Variants in ZNF808 observed in about 807,000 individuals in gnomAD.
ZNF808 encodes zinc finger protein 808.
In ZNF808, 5 loss-of-function variants were observed where a neutral mutation model predicts 8.7. That is an observed-to-expected ratio of 0.58 (90% CI 0.30 to 1.21). The LOEUF (loss-of-function observed/expected upper bound fraction) is 1.21, where lower values mean the gene tolerates loss of function less well. ZNF808 is among the 50% of genes most tolerant of loss of function. The pLI, the probability that ZNF808 is intolerant of heterozygous loss-of-function variation, is 0.07. For missense variants in ZNF808, 1,103 were observed against 1,098.4 expected (o/e 1.00, Z -0.06); for synonymous variants, 380 against 366.0 (o/e 1.04, Z -0.44).
At chr19:52,533,185 T>C (rs2059575920) in intron 2 of ZNF808, among the ~76,000 whole-genome samples, 176 bp downstream of exon 2, 1 of 152,198 alleles carries the variant, frequency 6.6e-6, no homozygotes, top group African/African-American at 2.4e-5. Context: ...CTTTCTTTTC[T>C]TTTGTTTAAT....
intron 4 of ZNF808, among the ~76,000 whole-genome samples, chr19:52,550,872 G>A (rs2059769920): frequency 6.6e-6 from 1 of 152,114 alleles, no homozygotes; most frequent in Non-Finnish European, 1.5e-5. Flanking sequence ...CTTCAGTGAT[G>A]TTGATGATGA....
At chr19:52,534,082 G>A (rs1349183383) in intron 2 of ZNF808, among the ~76,000 whole-genome samples, 5 of 152,064 alleles carry the variant, frequency 3.3e-5, no homozygotes, top group Admixed American at 3.3e-4. Context: ...CAACACTTTG[G>A]GAGGCCGAGG....
In ZNF808 at chr19:52,554,193, C is replaced by G. The variant is rs1032463104; in HGVS notation, c.1277C>G (p.Pro426Arg). 6.2e-7 allele frequency: 1 copy of G among 1,613,612 alleles called. No homozygotes were observed. Among genetic ancestry groups the G allele is most frequent in the African/African-American group, 1.3e-5 (1 of 74,884 alleles). The change falls in exon 5 of 5, where the codon CCT becomes CGT. Residue 426 changes from proline to arginine, a missense_variant. Pro to Arg is a moderately radical substitution (Grantham distance 103, BLOSUM62 -2). Coordinates refer to ENST00000359798, the MANE Select transcript of ZNF808 (RefSeq NM_001039886.4). The part of the protein sequence containing the change: ...RHHILHTGEK[P>R]YKCEECDKVF... ...CATATACTTCATACTGGAGAGAAAC[C>G]TTACAAATGTGAAGAATGTGACAAA... is the stretch of plus-strand genomic sequence containing the variant.
At chr19:52,560,430 A>G (rs35068231), downstream of ZNF808, among the ~76,000 whole-genome samples, 5 of 152,016 alleles carry the variant, frequency 3.3e-5, no homozygotes, top group Admixed American at 3.3e-4. Context: ...ACATCTCTTC[A>G]TACTCAGCCA....
At chr19:52,568,737 CTA>C (rs1254377558), downstream of ZNF808, among the ~76,000 whole-genome samples, 1 of 152,166 alleles carries the variant, frequency 6.6e-6, no homozygotes, top group East Asian at 1.9e-4. Flanking sequence ...CAAATAAACT[CTA>C]TAATTAATAA....
chr19:52,554,486 G>C lies in ZNF808; in HGVS notation c.1570G>C (p.Ala524Pro). Residue 524 changes from alanine to proline, a missense_variant, in exon 5 of 5, where the codon GCA (alanine) becomes CCA (proline). Physicochemically the swap from Ala to Pro is conservative, Grantham distance 27. Transcript: ENST00000359798. ...NQCGNTFRHR[A>P]SLVYHRRLHT... ...GTGTGGCAATACCTTCCGTCACCGG[G>C]CATCCCTTGTATACCATCGTAGACT... The C allele has an allele frequency of 6.2e-7, 1 of 1,613,966 alleles. No homozygotes were observed.
intron 4 of ZNF808, among the ~76,000 whole-genome samples, chr19:52,550,629 G>A (rs1317035501): frequency 6.6e-6 from 1 of 151,916 alleles, no homozygotes; most frequent in Non-Finnish European, 1.5e-5. Context: ...GGGTTCAAGT[G>A]ATTGTCCTGC....
chr19:52,538,051 G>A (rs911096974), intron 2 of ZNF808, among the ~76,000 whole-genome samples: 4 of 151,926 alleles, frequency 2.6e-5, no homozygotes, highest in Admixed American at 6.6e-5. Flanking sequence ...TGGCTCTGTC[G>A]CTCAGCTGGA....
chr19:52,538,351 T>TATTATTATTATTATTATTATCATC (rs1479612086), intron 2 of ZNF808, among the ~76,000 whole-genome samples: 1 of 149,454 alleles, frequency 6.7e-6, no homozygotes, highest in Non-Finnish European at 1.5e-5. Flanking sequence ...TTATTATTAT[T>TATTATTATTATTATTATTATCATC]AGTTTTTTGA....
Position 52,539,057 on chromosome 19 carries a change from G to C in ZNF808, c.-19-4209G>C, listed in dbSNP as rs528285992. On this transcript the variant is annotated intron_variant, in intron 2 of 4. Coordinates refer to ENST00000359798, the MANE Select transcript of ZNF808 (RefSeq NM_001039886.4). ...CCTTTTCATGGCTGGGGTCGGGAGT[G>C]GGGGAGAGAAGTAGGGTAAGAAGTG... Among the ~76,000 whole-genome samples the C allele has an allele frequency of 7.4e-4, 112 of 152,108 alleles. 2 individuals are homozygous for C. In the South Asian group the frequency reaches 0.013, roughly 18 times the overall value.
In ZNF808 at chr19:52,553,777, C is replaced by A; in HGVS notation, c.861C>A (p.Tyr287Ter). The A allele has an allele frequency of 6.2e-7, 1 of 1,614,124 alleles. No homozygotes were observed. Among genetic ancestry groups the A allele is most frequent in the Non-Finnish European group, 8.5e-7 (1 of 1,180,008 alleles). ...HRRCHTGEKP[Y>*]KCKECGKSFS... ...GATGTCACACTGGAGAGAAACCTTACAAGTGTAAAGAGTGTGGAAAGTCCT... is the reference window on the plus strand; with the variant it reads ...GATGTCACACTGGAGAGAAACCTTAAAAGTGTAAAGAGTGTGGAAAGTCCT... The change falls in exon 5 of 5, where the codon TAC (tyrosine) becomes TAA (stop). Residue 287 changes from tyrosine (Y) to a stop codon, truncating the protein, a stop_gained. Coordinates refer to ENST00000359798, the MANE Select transcript of ZNF808 (RefSeq NM_001039886.4). LOFTEE classifies it low-confidence loss of function (END_TRUNC).
chr19:52,554,527 A>G lies in ZNF808; in HGVS notation c.1611A>G (p.Lys537=). ...VYHRRLHTLE[K]SYKCTVCNKV... is the part of the protein sequence containing the mutation. ...ATCGTAGACTTCACACTCTAGAGAA[A>G]TCTTACAAATGTACGGTTTGTAACA... Residue 537 remains lysine (K), a synonymous_variant, in exon 5 of 5, where the codon AAA becomes AAG. Transcript: ENST00000359798. 6 of 1,614,176 alleles carry G rather than the reference A, an allele frequency of 3.7e-6. No individual in the cohort carries two copies. In the South Asian group the frequency reaches 6.6e-5, roughly 18 times the overall value.
At chr19:52,544,838 T>C (rs1261132963) in intron 3 of ZNF808, among the ~76,000 whole-genome samples, 1 of 152,114 alleles carries the variant, frequency 6.6e-6, no homozygotes, top group African/African-American at 2.4e-5. Flanking sequence ...TGTTGGATTG[T>C]AGTGGCGGCA....
intron 2 of ZNF808, chr19:52,535,903 GGCAAGGTCTCTCTGCCTCGC>G (rs1456878197): frequency 6.6e-6 from 1 of 152,070 alleles, no homozygotes; most frequent in Non-Finnish European, 1.5e-5. Flanking sequence ...GGTTCTAAAG[GGCAAGGTCTCTCTGCCTCGC>G]GCCCCGCCTC....
At chr19:52,558,120 C>G (rs1321729674), downstream of ZNF808, among the ~76,000 whole-genome samples, 3 of 134,576 alleles carry the variant, frequency 2.2e-5, no homozygotes, top group African/African-American at 5.6e-5. Flanking sequence ...GAGTCTCGCT[C>G]TGTTGCCCAG....
intron 2 of ZNF808, among the ~76,000 whole-genome samples, chr19:52,534,269 CA>C (rs1304500348): frequency 6.6e-6 from 1 of 152,170 alleles, no homozygotes; most frequent in Non-Finnish European, 1.5e-5. Flanking sequence ...TGTTAGCTGA[CA>C]GAGATGGTCA....
At position 52,539,905 on chromosome 19, in the gene ZNF808, C is replaced by T. The variant is rs139172394; in HGVS notation, c.-19-3361C>T. 9.9e-3 allele frequency among the ~76,000 whole-genome samples: 1,507 copies of T among 152,002 alleles called. 11 individuals are homozygous for T. The highest frequency in any genetic ancestry group is 0.015 in the Non-Finnish European group (1,014 of 67,992). ...TGTTTCCCAGGCTGGAGTGCAGTGG[C>T]AGGATCACAGCACTGTGCAGCGGCA... On this transcript the variant is annotated intron_variant, in intron 2 of 4. Coordinates refer to ENST00000359798, the MANE Select transcript of ZNF808 (RefSeq NM_001039886.4).
chr19:52,562,434 T>C (rs1358643077), intron 3 of ZNF808, among the ~76,000 whole-genome samples: 2 of 152,160 alleles, frequency 1.3e-5, no homozygotes, highest in Non-Finnish European at 1.5e-5. Flanking sequence ...GTCTTATTCA[T>C]ATGTAGTCAA....
chr19:52,548,563 C>G (rs555396763), intron 4 of ZNF808, among the ~76,000 whole-genome samples: 40 of 152,218 alleles, frequency 2.6e-4, no homozygotes, highest in African/African-American at 8.4e-4. Flanking sequence ...GCTGGGATTA[C>G]AGGCATGTGT....
Sources: allele counts gnomAD v4.1 joint callset (sites outside exome capture counted in the v4.1 genomes callset), GRCh38; gene constraint gnomAD v4.1.1; transcripts MANE v1.5; gene names NCBI Gene and HGNC (gene_info 2026-07-23, HGNC 2026-07-21).